MOV10: variants seen among roughly 807,000 people sequenced by gnomAD.
MOV10 encodes the protein Mov10 RNA helicase.
A neutral mutation model predicts 108.4 loss-of-function variants in MOV10; 39 were observed. The observed-to-expected ratio is 0.36, with a 90% confidence interval of 0.28 to 0.47. The LOEUF (loss-of-function observed/expected upper bound fraction) is 0.47. Ranked by LOEUF, MOV10 falls within the 20% of genes least tolerant of loss-of-function variation. The probability of loss-of-function intolerance (pLI) is 1.00; values close to 1 mark genes in which losing one functional copy is unlikely to be tolerated. For missense variants in MOV10, 952 were observed against 1,297.6 expected, an observed-to-expected ratio of 0.73 and a Z score of 4.09; for synonymous variants, 490 against 523.1, an observed-to-expected ratio of 0.94 and a Z score of 0.86.
chr1:112,700,336 C>T lies in MOV10; in HGVS notation c.2916C>T (p.Thr972=), dbSNP rs758392699. 4 of 1,614,100 alleles carry T rather than the reference C, an allele frequency of 2.5e-6. No homozygotes were observed. The part of the protein sequence containing the change: ...LQGLSKLSPS[T]SGPHSHDYLP... ...GTCTGAGCAAGCTCAGCCCCTCTAC[C>T]TCAGGTATGGCTGGGCCAGGGTGGG... The change falls in exon 20 of 21, where the codon ACC becomes ACT. Residue 972 remains threonine, a synonymous_variant. Transcript: ENST00000369645.
At position 112,674,891 on chromosome 1, in the gene MOV10, C is replaced by T. The variant is rs201744974; in HGVS notation, c.-22C>T. The stretch of plus-strand genomic sequence containing the variant: ...GTTTCATTTCCACGGACCCTCCTGC[C>T]TGGGCCGCAGCCGCCGCCGCGATGC... On this transcript the variant is annotated 5_prime_UTR_variant, in exon 2 of 21. Coordinates refer to ENST00000369645, the MANE Select transcript of MOV10 (RefSeq NM_001321324.2). The T allele has an allele frequency of 8.1e-5, 126 of 1,552,516 alleles. 2 individuals are homozygous for T. In the African/African-American group the frequency reaches 1.5e-3, roughly 18 times the overall value.
intron 2 of MOV10, among the ~76,000 whole-genome samples, chr1:112,681,194 A>T (rs1021975888): frequency 4.6e-5 from 7 of 151,868 alleles, no homozygotes; most frequent in Admixed American, 1.3e-4. Flanking sequence ...TGTTTTATTT[A>T]AAAAGAATCA....
intron 3 of MOV10, 49 bp from the exon 4 acceptor site, chr1:112,689,366 A>C: frequency 6.6e-7 from 1 of 1,518,176 alleles, no homozygotes; most frequent in Non-Finnish European, 9.1e-7. Context: ...GTAACTCCCC[A>C]GTCAGACCGC....
intron 2 of MOV10, chr1:112,688,312 T>C (rs1207896947): frequency 6.1e-6 from 6 of 987,154 alleles, no homozygotes; most frequent in Non-Finnish European, 7.2e-6. Flanking sequence ...GTTTTCCCTG[T>C]CTTCACCTTC....
intron 2 of MOV10, among the ~76,000 whole-genome samples, chr1:112,680,879 T>C (rs999345314): frequency 9.9e-5 from 15 of 151,594 alleles, no homozygotes; most frequent in Admixed American, 9.2e-4. Context: ...ATTTTTGTAT[T>C]TTTAGTAGAG....
At chr1:112,691,527 T>C in intron 5 of MOV10, 138 bp from the exon 6 acceptor site, 2 of 999,362 alleles carry the variant, frequency 2.0e-6, no homozygotes, top group Admixed American at 2.4e-5. Context: ...ATGAGAGTAG[T>C]CCACCCTTGG....
At position 112,695,403 on chromosome 1, in the gene MOV10, A is replaced by G; in HGVS notation, c.1621-13A>G. On this transcript the variant is annotated splice_polypyrimidine_tract_variant and intron_variant, in intron 10 of 20. Transcript: ENST00000369645. ...GGAACCTGCCTCCCACACTGCGCTTATCTGCATCTCAGGTGGTGAAGCACT... is the reference window on the plus strand; with the variant it reads ...GGAACCTGCCTCCCACACTGCGCTTGTCTGCATCTCAGGTGGTGAAGCACT... 7 of 1,613,534 alleles carry G rather than the reference A, an allele frequency of 4.3e-6. No individual in the cohort carries two copies. Among genetic ancestry groups the G allele is most frequent in the Non-Finnish European group, 5.9e-6 (7 of 1,179,652 alleles).
chr1:112,691,754 A>G lies in MOV10; in HGVS notation c.926A>G (p.Gln309Arg), dbSNP rs201604439. 820 of 1,614,046 alleles carry G rather than the reference A, an allele frequency of 5.1e-4. 1 individual carries two copies. Among genetic ancestry groups the G allele is most frequent in the Non-Finnish European group, 5.9e-4 (701 of 1,180,044 alleles). ...AGGCAGCTGCTCCCCATGCTTCTTCAGGGAACAAGTATCTTCACTGCCCCT... is the reference window on the plus strand; with the variant it reads ...AGGCAGCTGCTCCCCATGCTTCTTCGGGGAACAAGTATCTTCACTGCCCCT... ...RLRQLLPMLL[Q>R]GTSIFTAPKE... The change falls in exon 6 of 21, where the codon CAG (glutamine) becomes CGG (arginine). Residue 309 changes from glutamine to arginine, a missense_variant. By Grantham distance (43) the Gln-to-Arg change is conservative. Coordinates refer to ENST00000369645, the MANE Select transcript of MOV10 (RefSeq NM_001321324.2).
intron 2 of MOV10, among the ~76,000 whole-genome samples, chr1:112,684,797 A>C (rs1672945738): frequency 6.6e-6 from 1 of 152,148 alleles, no homozygotes; most frequent in African/African-American, 2.4e-5. Flanking sequence ...CATTTGGAGC[A>C]GTTTTTCATA....
chr1:112,696,894 C>G, intron 14 of MOV10, 48 bp downstream of exon 14: 2 of 1,461,488 alleles, frequency 1.4e-6, no homozygotes, highest in Non-Finnish European at 1.9e-6. Flanking sequence ...GCTTTCACAT[C>G]CTGCATGCAG....
Position 112,675,569 on chromosome 1 carries a change from A to T in MOV10, c.137+520A>T, listed in dbSNP as rs528991846. Among the ~76,000 whole-genome samples the T allele has an allele frequency of 1.1e-4, 16 of 152,230 alleles. No homozygotes were observed. Among genetic ancestry groups the T allele is most frequent in the Admixed American group, 8.5e-4 (13 of 15,298 alleles). On this transcript the variant is annotated intron_variant, in intron 2 of 20. Coordinates refer to ENST00000369645, the MANE Select transcript of MOV10 (RefSeq NM_001321324.2). This position sits in a 1 kb window ranked among gnomAD's most constrained non-coding sequence, Gnocchi z 4.7. ...TGAAGAGGCCCAGGGTAGAAGGGAG[A>T]AGCTCAGGAAGCTCTGGAAAGAAGA...
rs781254645 is a variant in MOV10, at chr1:112,692,922, C to T, written c.1133C>T (p.Thr378Met). The part of the protein sequence containing the change: ...DPVDQNPRLL[T>M]LEVPGVTESR... ...GTGGACCAGAACCCCAGGCTGCTCACGCTGGAGGTCAGGGCTCAGATTGAG... is the reference window on the plus strand; with the variant it reads ...GTGGACCAGAACCCCAGGCTGCTCATGCTGGAGGTCAGGGCTCAGATTGAG... Residue 378 changes from threonine (T) to methionine (M), a missense_variant, in exon 7 of 21, where the codon ACG (threonine) becomes ATG (methionine). By Grantham distance (81) the Thr-to-Met change is moderately conservative (BLOSUM62 -1). Transcript: ENST00000369645. 2.5e-6 allele frequency: 4 copies of T among 1,608,688 alleles called. No homozygotes were observed. The highest frequency in any genetic ancestry group is 3.4e-6 in the Non-Finnish European group (4 of 1,177,868).
At chr1:112,685,683 A>AAATAT (rs1345900914) in intron 2 of MOV10, among the ~76,000 whole-genome samples, 1 of 148,240 alleles carries the variant, frequency 6.7e-6, no homozygotes, top group African/African-American at 2.5e-5. Context: ...AAATAAAATA[A>AAATAT]AATATAAAAT....
Position 112,689,941 on chromosome 1 carries a change from G to A in MOV10, c.679G>A (p.Glu227Lys), listed in dbSNP as rs1297858657. Residue 227 changes from glutamate to lysine, a missense_variant, in exon 5 of 21, where the codon GAA becomes AAA. By Grantham distance (56) the Glu-to-Lys change is moderately conservative. Coordinates refer to ENST00000369645, the MANE Select transcript of MOV10 (RefSeq NM_001321324.2). ...GCTGGGACCTGGGGAGTCGGGTTCA[G>A]AAGGAGCCGGCACATTCTACATTGC... ...ELLGPGESGS[E>K]GAGTFYIARF... 3.1e-6 allele frequency: 5 copies of A among 1,614,202 alleles called. No individual in the cohort carries two copies. The highest frequency in any genetic ancestry group is 4.2e-6 in the Non-Finnish European group (5 of 1,180,048).
intron 2 of MOV10, chr1:112,686,988 C>T (rs1248379265): frequency 2.2e-6 from 1 of 456,478 alleles, no homozygotes; most frequent in Non-Finnish European, 4.4e-6. Context: ...CAAATCCATC[C>T]TCCAATCCTG....
chr1:112,699,051 T>C, intron 17 of MOV10: 1 of 472,254 alleles, frequency 2.1e-6, no homozygotes, highest in South Asian at 3.0e-5. Context: ...GCCCTAAGGA[T>C]AAAGTCCAAA....
At chr1:112,697,926 G>T in intron 14 of MOV10, 68 bp from the exon 15 acceptor site, 1 of 1,321,370 alleles carries the variant, frequency 7.6e-7, no homozygotes, top group South Asian at 1.2e-5. Flanking sequence ...AGAGTGGGTA[G>T]AGCGGAGCCC....
intron 2 of MOV10, among the ~76,000 whole-genome samples, chr1:112,681,968 T>C (rs1029333538): frequency 6.6e-5 from 10 of 151,724 alleles, no homozygotes; most frequent in African/African-American, 1.5e-4. Flanking sequence ...CAGTCTTGGC[T>C]CACTGCAACC....
rs765144227 is a variant in MOV10, at chr1:112,689,032, C to G, written c.235C>G (p.Leu79Val). The G allele has an allele frequency of 2.5e-5, 41 of 1,612,522 alleles. No individual in the cohort carries two copies. The highest frequency in any genetic ancestry group is 1.7e-4 in the Admixed American group (10 of 60,004). Reference sequence around the variant, plus strand: ...CAAGACTCGGGTCAGGTTCTTCAGACTCGACCGCTGGGCCGACGTGCGGTT... The same window carrying G: ...CAAGACTCGGGTCAGGTTCTTCAGAGTCGACCGCTGGGCCGACGTGCGGTT... ...VTKTRVRFFR[L>V]DRWADVRFPE... Residue 79 changes from leucine (L) to valine (V), a missense_variant, in exon 3 of 21, where the codon CTC (leucine) becomes GTC (valine). By Grantham distance (32) the Leu-to-Val change is conservative (BLOSUM62 1). Around this residue, in one of 5 missense-constraint regions of MOV10, gnomAD observed 374 missense variants for 468.6 expected, o/e 0.80. Transcript: ENST00000369645.
Sources: allele counts gnomAD v4.1 joint callset (sites outside exome capture counted in the v4.1 genomes callset), GRCh38; gene constraint gnomAD v4.1.1; regional missense constraint gnomAD v4.1.1; non-coding constraint Gnocchi (gnomAD v3.1); transcripts MANE v1.5; gene names NCBI Gene and HGNC (gene_info 2026-07-23, HGNC 2026-07-21).